CNTN4: variants seen among roughly 807,000 people sequenced by gnomAD.
The protein encoded by CNTN4 is contactin 4.
A neutral mutation model predicts 122.5 loss-of-function variants in CNTN4; 77 were observed. The ratio of observed to expected loss-of-function variants is 0.63; its 90% CI spans 0.52 to 0.76. The LOEUF (loss-of-function observed/expected upper bound fraction) is 0.76, where lower values mean the gene tolerates loss of function less well. CNTN4 is among the 30% of genes least tolerant of loss of function. CNTN4 has a pLI of 0.00. For missense variants in CNTN4, 1,256 were observed against 1,259.1 expected (o/e 1.00, Z 0.04); for synonymous variants, 512 against 447.0 (o/e 1.15, Z -1.83).
intron 3 of CNTN4, among the ~76,000 whole-genome samples, chr3:2,474,102 T>C (rs2075771936): frequency 6.6e-6 from 1 of 152,072 alleles, no homozygotes; most frequent in African/African-American, 2.4e-5. Context: ...TGCCGGGGTG[T>C]CATCTCCTTT....
intron 2 of CNTN4, among the ~76,000 whole-genome samples, chr3:2,122,659 TA>T (rs1393654041): frequency 1.3e-5 from 2 of 152,222 alleles, no homozygotes; most frequent in African/African-American, 4.8e-5. Context: ...ATTGTACATT[TA>T]AAAACTTTTA....
intron 6 of CNTN4, among the ~76,000 whole-genome samples, chr3:2,806,436 G>T (rs925024776): frequency 6.6e-6 from 1 of 152,164 alleles, no homozygotes; most frequent in Non-Finnish European, 1.5e-5. Context: ...CCGCACAAAG[G>T]ATGGTAAGGT....
At chr3:2,896,974 T>G (rs1164263244) in intron 10 of CNTN4, among the ~76,000 whole-genome samples, 1 of 151,918 alleles carries the variant, frequency 6.6e-6, no homozygotes, top group Non-Finnish European at 1.5e-5. Context: ...TCTTTTATAT[T>G]TTTAAATTTC....
chr3:2,866,782 A>T lies in CNTN4; in HGVS notation c.485A>T (p.Tyr162Phe). 6.2e-7 allele frequency: 1 copy of T among 1,613,950 alleles called. No homozygotes were observed. The highest frequency in any genetic ancestry group is 1.3e-5 in the African/African-American group (1 of 75,006). Reference sequence around the variant, plus strand: ...AGTTATGCCTGGATCTTCAATGAATACCCTTCCTATCAGGATAATCGCCGC... The same window carrying T: ...AGTTATGCCTGGATCTTCAATGAATTCCCTTCCTATCAGGATAATCGCCGC... The part of the protein sequence containing the change: ...ELSYAWIFNE[Y>F]PSYQDNRRFV... Residue 162 changes from tyrosine to phenylalanine, a missense_variant, in exon 8 of 25, where the codon TAC becomes TTC. By Grantham distance (22) the Tyr-to-Phe change is conservative. Transcript: ENST00000418658.
At chr3:2,181,210 T>A (rs1470457063) in intron 2 of CNTN4, among the ~76,000 whole-genome samples, 4 of 152,026 alleles carry the variant, frequency 2.6e-5, no homozygotes, top group Non-Finnish European at 5.9e-5. Flanking sequence ...GTTACACTCA[T>A]GAATAAAAGC....
At chr3:2,289,428 C>A (rs1367744681) in intron 2 of CNTN4, among the ~76,000 whole-genome samples, 1 of 152,172 alleles carries the variant, frequency 6.6e-6, no homozygotes, top group African/African-American at 2.4e-5. Flanking sequence ...ATCTATAAGA[C>A]AGAGTTTCTA....
At chr3:2,507,826 T>G (rs67888396) in intron 3 of CNTN4, among the ~76,000 whole-genome samples, 17,087 of 150,662 alleles carry the variant, frequency 0.11, 1,269 homozygotes, top group Middle Eastern at 0.17. Flanking sequence ...CCCCCAAAAA[T>G]TAAATGAGAA....
intron 3 of CNTN4, among the ~76,000 whole-genome samples, chr3:2,384,558 CA>C (rs1337171826): frequency 6.6e-6 from 1 of 152,138 alleles, no homozygotes; most frequent in African/African-American, 2.4e-5. Flanking sequence ...ATGAGTTTGT[CA>C]AAAACAAATC....
At chr3:2,894,097 G>A (rs566082185) in intron 10 of CNTN4, among the ~76,000 whole-genome samples, 1 of 152,178 alleles carries the variant, frequency 6.6e-6, no homozygotes, top group African/African-American at 2.4e-5. Flanking sequence ...TTAATGAAAA[G>A]AGTAGCTTGG....
intron 3 of CNTN4, among the ~76,000 whole-genome samples, chr3:2,353,444 G>T (rs1244950416): frequency 6.6e-6 from 1 of 152,100 alleles, no homozygotes; most frequent in Non-Finnish European, 1.5e-5. Flanking sequence ...TTGTTCTTTT[G>T]CTCTTTGCAA....
chr3:2,636,238 G>C (rs1240344921), intron 4 of CNTN4, among the ~76,000 whole-genome samples: 2 of 152,176 alleles, frequency 1.3e-5, no homozygotes, highest in African/African-American at 4.8e-5. Context: ...AGGAGGAAGA[G>C]GACAATAGAG....
chr3:2,167,533 A>G (rs2036254075), intron 2 of CNTN4, among the ~76,000 whole-genome samples: 1 of 152,206 alleles, frequency 6.6e-6, no homozygotes, highest in African/African-American at 2.4e-5. Flanking sequence ...AGAAATTAAC[A>G]AAACTATTAC....
At chr3:2,268,546 G>T (rs1455689676) in intron 2 of CNTN4, among the ~76,000 whole-genome samples, 1 of 150,828 alleles carries the variant, frequency 6.6e-6, no homozygotes, top group Non-Finnish European at 1.5e-5. Flanking sequence ...TAAATGCAGG[G>T]TATGCTATTG....
chr3:2,374,693 A>C (rs1177936757), intron 3 of CNTN4, among the ~76,000 whole-genome samples: 2 of 152,262 alleles, frequency 1.3e-5, no homozygotes, highest in African/African-American at 4.8e-5. Context: ...GAAGCAATAA[A>C]ATATTTATAT....
intron 6 of CNTN4, among the ~76,000 whole-genome samples, chr3:2,756,273 G>A (rs1360708042): frequency 1.3e-5 from 2 of 152,268 alleles, no homozygotes; most frequent in Admixed American, 1.3e-4. Context: ...ATATGAGGAG[G>A]TGGGGCCTTT....
chr3:3,032,893 C>G (rs548850725), intron 16 of CNTN4, among the ~76,000 whole-genome samples: 5 of 152,216 alleles, frequency 3.3e-5, no homozygotes, highest in Admixed American at 3.3e-4. Flanking sequence ...GGTAAACATT[C>G]TGTAAGGTCG....
chr3:2,255,812 C>T (rs1054369222), intron 2 of CNTN4, among the ~76,000 whole-genome samples: 4 of 152,154 alleles, frequency 2.6e-5, no homozygotes, highest in African/African-American at 9.7e-5. Context: ...AAATCTATAG[C>T]ACTAAGTGCC....
intron 3 of CNTN4, among the ~76,000 whole-genome samples, chr3:2,460,326 G>C (rs564491957): frequency 1.3e-4 from 20 of 152,148 alleles, no homozygotes; most frequent in African/African-American, 4.6e-4. Context: ...CATTCTGACT[G>C]TTTCCACTTT....
intron 2 of CNTN4, among the ~76,000 whole-genome samples, chr3:2,130,392 A>C (rs575230987): frequency 6.6e-6 from 1 of 152,340 alleles, no homozygotes; most frequent in Non-Finnish European, 1.5e-5. Context: ...AAGAGGATAC[A>C]ATATGAGTGA....
Sources: gnomAD v4.1 joint callset for allele counts (sites outside exome capture counted in the v4.1 genomes callset) on GRCh38, gnomAD v4.1.1 for gene constraint, MANE v1.5 for transcripts, NCBI Gene and HGNC (gene_info 2026-07-23, HGNC 2026-07-21) for gene names.